Variants in MYO9A observed in about 807,000 individuals in gnomAD.
MYO9A encodes myosin IXA.
MYO9A carries 103 observed loss-of-function variants against 293.3 expected under a neutral mutation model. The ratio of observed to expected loss-of-function variants is 0.35; its 90% CI spans 0.30 to 0.41. The LOEUF (loss-of-function observed/expected upper bound fraction) is 0.41. Ranked by LOEUF, MYO9A falls within the 10% of genes least tolerant of loss-of-function variation. The probability of loss-of-function intolerance (pLI) is 1.00; values close to 1 mark genes in which losing one functional copy is unlikely to be tolerated. For missense variants in MYO9A, 2,685 were observed against 3,033.0 expected (o/e 0.89, Z 2.69); for synonymous variants, 1,001 against 1,035.7 (o/e 0.97, Z 0.64).
At position 71,935,453 on chromosome 15, in the gene MYO9A, T is replaced by C; in HGVS notation, c.2410A>G (p.Thr804Ala). ...GATAGTCTGCTCTGGCGAATCCCAG[T>C]TCTGCCATTCCAGGCAATATCAAAT... Reference protein sequence around the residue: ...DTFDIAWNGRTGIRQSRLSSG... With the variant: ...DTFDIAWNGRAGIRQSRLSSG... Residue 804 changes from threonine to alanine, a missense_variant, in exon 17 of 42, where the codon ACT (threonine) becomes GCT (alanine). Thr to Ala is a moderately conservative substitution (Grantham distance 58). Around this residue, in one of 10 missense-constraint regions of MYO9A, gnomAD observed 1,434 missense variants for 1,497.7 expected, o/e 0.96. Transcript: ENST00000356056. 6.2e-7 allele frequency: 1 copy of C among 1,613,570 alleles called. No individual in the cohort carries two copies. The highest frequency in any genetic ancestry group is 1.3e-5 in the African/African-American group (1 of 75,036).
intron 6 of MYO9A, among the ~76,000 whole-genome samples, chr15:72,011,596 AG>A (rs1000429333): frequency 2.1e-5 from 3 of 143,990 alleles, no homozygotes; most frequent in Non-Finnish European, 4.6e-5. Flanking sequence ...CACCATCTCA[AG>A]AAAAAAAAAA....
In MYO9A at chr15:71,826,609, G is replaced by A. The variant is rs77524136; in HGVS notation, c.7618C>T (p.Leu2540Phe). The stretch of plus-strand genomic sequence containing the variant: ...ACCATAAATTCATTATTTCCAAAGA[G>A]TGCTAGCTGTTGGTTGGAGGTGCAG... ...PDCTSNQQLA[L>F]FGNNEFMV The change falls in exon 42 of 42, where the codon CTC (leucine) becomes TTC (phenylalanine). Residue 2540 changes from leucine (L) to phenylalanine (F), a missense_variant. Physicochemically the swap from Leu to Phe is conservative, Grantham distance 22. This residue lies in a region of MYO9A where 350 missense variants were observed against 328.9 expected (regional missense o/e 1.06). Transcript: ENST00000356056. The A allele has an allele frequency of 3.7e-5, 60 of 1,607,752 alleles. No individual in the cohort carries two copies. The highest frequency in any genetic ancestry group is 1.4e-4 in the Admixed American group (8 of 58,582).
chr15:71,974,584 G>A (rs768342206), intron 12 of MYO9A, among the ~76,000 whole-genome samples: 1 of 152,334 alleles, frequency 6.6e-6, no homozygotes, highest in Middle Eastern at 3.4e-3. Context: ...GGCTGCAACT[G>A]CAAGTGCTGG....
At chr15:71,908,528 T>C (rs2057738742) in intron 19 of MYO9A, among the ~76,000 whole-genome samples, 1 of 152,214 alleles carries the variant, frequency 6.6e-6, no homozygotes, top group African/African-American at 2.4e-5. Context: ...ATGATTGGAT[T>C]TAGGGCTACC....
intron 18 of MYO9A, among the ~76,000 whole-genome samples, chr15:71,930,610 G>A (rs961968759): frequency 2.0e-5 from 3 of 151,920 alleles, no homozygotes; most frequent in Non-Finnish European, 4.4e-5. Flanking sequence ...TGAGTCTCTC[G>A]CAGGTAGCAT....
chr15:71,949,411 G>C (rs2059000207), intron 15 of MYO9A, among the ~76,000 whole-genome samples: 1 of 150,526 alleles, frequency 6.6e-6, no homozygotes, highest in African/African-American at 2.4e-5. Flanking sequence ...ACTATGCTGG[G>C]TGTTTTTTTG....
rs775868095 is a variant in MYO9A, at chr15:71,879,804, CCTT to C, written c.5653_5655del (p.Lys1885del). On this transcript the variant is annotated inframe_deletion, in exon 30 of 42. Coordinates refer to ENST00000356056, the MANE Select transcript of MYO9A (RefSeq NM_006901.4). ...TTAAATACAACATCCACTAGTGTAT[CCTT>C]CTTGCTGTCTTCATTATCTAGGTCA... The C allele has an allele frequency of 1.7e-5, 27 of 1,613,290 alleles. No homozygotes were observed. Among genetic ancestry groups the C allele is most frequent in the Non-Finnish European group, 2.1e-5 (25 of 1,179,614 alleles).
At chr15:72,051,856 G>A (rs535641082) in intron 1 of MYO9A, among the ~76,000 whole-genome samples, 2 of 152,276 alleles carry the variant, frequency 1.3e-5, no homozygotes, top group East Asian at 3.9e-4. Flanking sequence ...GAGGCAGGCA[G>A]GCTCCTGGGC....
chr15:71,993,312 TG>T (rs2076594395), intron 10 of MYO9A, among the ~76,000 whole-genome samples: 1 of 151,890 alleles, frequency 6.6e-6, no homozygotes, highest in Admixed American at 6.6e-5. Context: ...ATCATACCAC[TG>T]TACTCCAGCT....
chr15:72,066,974 C>T (rs2079040337), intron 1 of MYO9A, among the ~76,000 whole-genome samples: 1 of 150,160 alleles, frequency 6.7e-6, no homozygotes, highest in South Asian at 2.1e-4. Context: ...AACTGGTATT[C>T]CATATAATAA....
chr15:71,851,241 T>C lies in MYO9A; in HGVS notation c.6581+12A>G. On this transcript the variant is annotated intron_variant, in intron 37 of 41. Coordinates refer to ENST00000356056, the MANE Select transcript of MYO9A (RefSeq NM_006901.4). ...AACTATTAAAAATCGTTCCCTTGCT[T>C]CTTAAAGTTACCTGACTAGATGAAA... 6.2e-7 allele frequency: 1 copy of C among 1,602,012 alleles called. No homozygotes were observed. Among genetic ancestry groups the C allele is most frequent in the Non-Finnish European group, 8.5e-7 (1 of 1,171,614 alleles).
At chr15:71,827,113 G>GTGGCATCTATTCATT in intron 41 of MYO9A, 70 bp from the exon 42 acceptor site, 1 of 1,182,246 alleles carries the variant, frequency 8.5e-7, no homozygotes, top group Non-Finnish European at 1.2e-6. Context: ...ATAATGAATA[G>GTGGCATCTATTCATT]ATGCCACTGT....
intron 1 of MYO9A, among the ~76,000 whole-genome samples, chr15:72,110,588 T>C (rs982440091): frequency 6.6e-6 from 1 of 152,160 alleles, no homozygotes; most frequent in Non-Finnish European, 1.5e-5. Context: ...ATGTTTGTCA[T>C]TGACAAACAG....
intron 39 of MYO9A, among the ~76,000 whole-genome samples, chr15:71,843,155 A>G (rs2055236697): frequency 6.6e-6 from 1 of 152,046 alleles, no homozygotes. Context: ...TTGGCCAGGC[A>G]TGGTGGCTCA....
At chr15:71,835,453 A>G (rs549072661) in intron 39 of MYO9A, among the ~76,000 whole-genome samples, 39 of 152,354 alleles carry the variant, frequency 2.6e-4, no homozygotes, top group Middle Eastern at 3.4e-3. Flanking sequence ...TGAATACAAG[A>G]TGAAAAATAC....
At chr15:71,861,078 A>G (rs1308690130) in intron 33 of MYO9A, among the ~76,000 whole-genome samples, 2 of 151,964 alleles carry the variant, frequency 1.3e-5, no homozygotes. Context: ...ACCTACAAGA[A>G]TCATAGTTAC....
At chr15:71,938,354 T>C (rs58699347) in intron 16 of MYO9A, among the ~76,000 whole-genome samples, 140,542 of 151,666 alleles carry the variant, frequency 0.93, 65,429 homozygotes, top group Non-Finnish European at 0.97. Context: ...AAAAACAAAA[T>C]TTTATGAACT....
chr15:71,911,780 T>C (rs1334586812), intron 19 of MYO9A, among the ~76,000 whole-genome samples: 1 of 152,140 alleles, frequency 6.6e-6, no homozygotes, highest in East Asian at 1.9e-4. Flanking sequence ...GCTTTGAAAG[T>C]TTGGTGGTCA....
At chr15:72,009,394 T>C (rs766161737) in intron 7 of MYO9A, among the ~76,000 whole-genome samples, 6 of 152,132 alleles carry the variant, frequency 3.9e-5, no homozygotes, top group Non-Finnish European at 7.4e-5. Context: ...GATTTTCTCC[T>C]ACTCTCAGTA....
Sources: gnomAD v4.1 joint callset for allele counts (sites outside exome capture counted in the v4.1 genomes callset) on GRCh38, gnomAD v4.1.1 for gene constraint, gnomAD v4.1.1 regional missense constraint, MANE v1.5 for transcripts, NCBI Gene and HGNC (gene_info 2026-07-23, HGNC 2026-07-21) for gene names.